Variants in CFAP57 observed in about 807,000 individuals in gnomAD.
The protein encoded by CFAP57 is cilia- and flagella-associated protein 57.
A neutral mutation model predicts 146.8 loss-of-function variants in CFAP57; 116 were observed. That is an observed-to-expected ratio of 0.79 (90% confidence interval 0.68 to 0.92). CFAP57 has a LOEUF of 0.92. CFAP57 is among the 40% of genes least tolerant of loss of function. CFAP57 has a pLI of 0.00. For synonymous variants in CFAP57, 518 were observed against 552.8 expected, an observed-to-expected ratio of 0.94 and a Z score of 0.88; for missense variants, 1,377 against 1,527.2, an observed-to-expected ratio of 0.90 and a Z score of 1.64.
At chr1:43,246,950 A>G (rs1570360299) in intron 22 of CFAP57, among the ~76,000 whole-genome samples, 3 of 152,236 alleles carry the variant, frequency 2.0e-5, no homozygotes, top group Non-Finnish European at 2.9e-5. Flanking sequence ...GACAAGGCCA[A>G]TGTTTCCTGA....
At position 43,254,115 on chromosome 1, in the gene CFAP57, G is replaced by T; in HGVS notation, c.3677G>T (p.Gly1226Val). The T allele has an allele frequency of 6.4e-7, 1 of 1,550,696 alleles. No homozygotes were observed. The highest frequency in any genetic ancestry group is 8.7e-7 in the Non-Finnish European group (1 of 1,147,012). Residue 1226 changes from glycine to valine, a missense_variant, in exon 23 of 23, where the codon GGG becomes GTG. Gly to Val is a moderately radical substitution (Grantham distance 109). Transcript: ENST00000372492. The part of the protein sequence containing the change: ...DQIQEQEQVT[G>V]FHTLAGVRLP... ...ATCCAAGAGCAAGAGCAGGTCACAG[G>T]GTTCCACACCCTCGCTGGAGTTCGG...
intron 2 of CFAP57, among the ~76,000 whole-genome samples, chr1:43,175,735 A>C (rs1645144595): frequency 1.3e-5 from 2 of 151,050 alleles, no homozygotes; most frequent in Admixed American, 1.3e-4. Context: ...TGAACTCCTG[A>C]ACTCAACTCA....
chr1:43,251,681 T>A (rs1001589520), intron 22 of CFAP57, among the ~76,000 whole-genome samples: 3 of 152,248 alleles, frequency 2.0e-5, no homozygotes, highest in Non-Finnish European at 4.4e-5. Flanking sequence ...AATCATTGTA[T>A]ACTACATGGC....
chr1:43,249,048 A>ATTT (rs1229728481), intron 22 of CFAP57, among the ~76,000 whole-genome samples: 7 of 123,954 alleles, frequency 5.6e-5, no homozygotes, highest in South Asian at 2.6e-4. Context: ...CTCCCAGCTA[A>ATTT]TTTTTTTTTT....
At chr1:43,210,521 A>G (rs539810861) in intron 11 of CFAP57, 65 of 658,274 alleles carry the variant, frequency 9.9e-5, no homozygotes, top group African/African-American at 9.4e-4. Context: ...GCAATGTGCT[A>G]CCACATGGAT....
Position 43,232,513 on chromosome 1 carries a change from A to G in CFAP57, c.3015A>G (p.Glu1005=). ...TTTTCCCTTGTTGTCTACAGATGGA[A>G]GCTGAACTGGAGAATTTCCATAAGC... ...RVMKEQIQEM[E]AELENFHKQN... Residue 1005 remains glutamate, a synonymous_variant, in exon 19 of 23, where the codon GAA becomes GAG. Coordinates refer to ENST00000372492, the MANE Select transcript of CFAP57 (RefSeq NM_001378189.1). 6.5e-7 allele frequency: 1 copy of G among 1,550,070 alleles called. No individual in the cohort carries two copies. The highest frequency in any genetic ancestry group is 8.7e-7 in the Non-Finnish European group (1 of 1,146,596).
intron 16 of CFAP57, 100 bp downstream of exon 16, chr1:43,223,097 T>C: frequency 7.7e-7 from 1 of 1,301,824 alleles, no homozygotes; most frequent in South Asian, 1.6e-5. Context: ...GCCAGGGTCC[T>C]GCCTGTCCCC....
intron 9 of CFAP57, among the ~76,000 whole-genome samples, chr1:43,200,847 G>A (rs1401135049): frequency 1.3e-5 from 2 of 152,286 alleles, no homozygotes; most frequent in Non-Finnish European, 2.9e-5. Flanking sequence ...TCTAGGTGAC[G>A]AGAAACAACG....
chr1:43,188,470 T>C (rs78922118), intron 6 of CFAP57, among the ~76,000 whole-genome samples: 1 of 152,316 alleles, frequency 6.6e-6, no homozygotes, highest in East Asian at 1.9e-4. Flanking sequence ...ATTATAGCCA[T>C]CTTAGTGGGT....
intron 8 of CFAP57, 96 bp from the exon 9 acceptor site, chr1:43,199,294 A>C (rs1008743305): frequency 7.9e-6 from 9 of 1,142,088 alleles, no homozygotes; most frequent in African/African-American, 1.5e-5. Context: ...ACGTAGTTTC[A>C]GTCTGAACTC....
At chr1:43,233,786 TA>T (rs1209676416) in intron 19 of CFAP57, among the ~76,000 whole-genome samples, 2 of 152,158 alleles carry the variant, frequency 1.3e-5, no homozygotes, top group African/African-American at 2.4e-5. Context: ...CCCAACTGTG[TA>T]GATGAACCAA....
chr1:43,234,630 A>G lies in CFAP57; in HGVS notation c.3397A>G (p.Ile1133Val), dbSNP rs1645615964. Residue 1133 changes from isoleucine (I) to valine (V), a missense_variant, in exon 21 of 23, where the codon ATC (isoleucine) becomes GTC (valine). Transcript: ENST00000372492. ...GELHRTDYVR[I>V]MQENVSLIKE... ...GCTGCACCGCACAGACTACGTCCGC[A>G]TCATGCAGGTACCTGCATGCTCCCC... The G allele has an allele frequency of 1.3e-6, 2 of 1,549,378 alleles. No individual in the cohort carries two copies. Among genetic ancestry groups the G allele is most frequent in the African/African-American group, 1.4e-5 (1 of 72,998 alleles).
chr1:43,251,935 A>G (rs1646334730), intron 22 of CFAP57, among the ~76,000 whole-genome samples: 1 of 152,256 alleles, frequency 6.6e-6, no homozygotes, highest in East Asian at 1.9e-4. Flanking sequence ...TAGCTAAACT[A>G]ATTGAAATTG....
chr1:43,227,990 C>A (rs764288111), intron 18 of CFAP57, among the ~76,000 whole-genome samples: 3 of 152,196 alleles, frequency 2.0e-5, no homozygotes, highest in Non-Finnish European at 2.9e-5. Flanking sequence ...ACATCAAACC[C>A]TCCTTTCCCG....
chr1:43,185,031 A>G, intron 4 of CFAP57, 118 bp from the exon 5 acceptor site: 7 of 1,096,250 alleles, frequency 6.4e-6, no homozygotes, highest in East Asian at 2.4e-5. Context: ...ACTGTGGAAA[A>G]GGGGATCATT....
intron 19 of CFAP57, 124 bp downstream of exon 19, chr1:43,232,748 C>A: frequency 3.2e-6 from 2 of 632,622 alleles, no homozygotes; most frequent in Non-Finnish European, 2.6e-6. Flanking sequence ...TTTTAACTCA[C>A]ATTCTTTACT....
rs116649276 is a variant in CFAP57 at position 43,235,894 on chromosome 1, C to T, written c.3405+1256C>T. Among the ~76,000 whole-genome samples, 469 of 152,326 alleles carry T rather than the reference C, an allele frequency of 3.1e-3. 1 individual carries two copies. The highest frequency in any genetic ancestry group is 0.011 in the African/African-American group (441 of 41,566). On this transcript the variant is annotated intron_variant, in intron 21 of 22. Transcript: ENST00000372492. Reference sequence around the variant, plus strand: ...GTCACCAGAGTACAGGCCTGAGGAACTGGGTCCCTCTCTCCATGCCAAGCA... The same window carrying T: ...GTCACCAGAGTACAGGCCTGAGGAATTGGGTCCCTCTCTCCATGCCAAGCA...
chr1:43,204,105 A>G (rs1390905130), intron 9 of CFAP57, among the ~76,000 whole-genome samples: 2 of 152,226 alleles, frequency 1.3e-5, no homozygotes, highest in African/African-American at 4.8e-5. Context: ...GCTCAAATCT[A>G]CTGTTGAGCC....
chr1:43,227,574 T>A (rs932941607), intron 18 of CFAP57, among the ~76,000 whole-genome samples: 22 of 152,302 alleles, frequency 1.4e-4, no homozygotes, highest in Non-Finnish European at 2.4e-4. Flanking sequence ...TGAGAAGTCA[T>A]CAGAGGCTCT....
Sources: gnomAD v4.1 joint callset for allele counts (sites outside exome capture counted in the v4.1 genomes callset) on GRCh38, gnomAD v4.1.1 for gene constraint, MANE v1.5 for transcripts, NCBI Gene and HGNC (gene_info 2026-07-23, HGNC 2026-07-21) for gene names.